The following ITGB1 variants were observed in gnomAD, a reference collection of about 807,000 sequenced individuals.
ITGB1 encodes integrin subunit beta 1.
A neutral mutation model predicts 86.5 loss-of-function variants in ITGB1; 24 were observed. The ratio of observed to expected loss-of-function variants is 0.28; its 90% CI spans 0.20 to 0.39. The LOEUF (loss-of-function observed/expected upper bound fraction) is 0.39. ITGB1 is among the 10% of genes least tolerant of loss of function. The pLI, the probability that ITGB1 is intolerant of heterozygous loss-of-function variation, is 1.00. For synonymous variants in ITGB1, 323 were observed against 316.8 expected (o/e 1.02, Z -0.21); for missense variants, 556 against 946.9 (o/e 0.59, Z 5.42).
intron 15 of ITGB1, among the ~76,000 whole-genome samples, chr10:32,902,165 C>G (rs1293558156): frequency 1.3e-5 from 2 of 152,092 alleles, no homozygotes; most frequent in East Asian, 3.9e-4. Flanking sequence ...AGCACTGCGC[C>G]CCACCAAGTC....
At chr10:32,915,898 C>T (rs754266467) in intron 11 of ITGB1, among the ~76,000 whole-genome samples, 3 of 152,104 alleles carry the variant, frequency 2.0e-5, no homozygotes, top group Non-Finnish European at 4.4e-5. Context: ...TGATGAACAT[C>T]GATGCAAAAA....
intron 1 of ITGB1, among the ~76,000 whole-genome samples, chr10:32,942,508 T>C (rs1160846082): frequency 1.3e-5 from 2 of 152,164 alleles, no homozygotes. Flanking sequence ...AAATAGGGCC[T>C]GGGTGTATCT....
At chr10:32,923,505 C>T (rs962790663) in intron 7 of ITGB1, 80 bp downstream of exon 7, 2 of 1,279,916 alleles carry the variant, frequency 1.6e-6, no homozygotes, top group East Asian at 2.5e-5. Context: ...AAACCCCAAG[C>T]CAGTCACCCA....
intron 1 of ITGB1, among the ~76,000 whole-genome samples, chr10:32,948,840 A>C (rs2095037217): frequency 6.6e-6 from 1 of 152,162 alleles, no homozygotes; most frequent in Admixed American, 6.5e-5. Context: ...CACAAAGACT[A>C]AGACAAGGTT....
chr10:32,922,794 T>A (rs1299261259), intron 7 of ITGB1, 59 bp from the exon 8 acceptor site: 14 of 964,454 alleles, frequency 1.5e-5, no homozygotes, highest in Non-Finnish European at 2.2e-5. Flanking sequence ...CTCTTCTAAT[T>A]TTTCAATCTA....
In ITGB1 at chr10:32,901,597, C is replaced by T; in HGVS notation, c.2370G>A (p.Val790=). Residue 790 remains valine, a synonymous_variant, in exon 16 of 16, where the codon GTG becomes GTA. Transcript: ENST00000302278. ...NPIYKSAVTT[V]VNPKYEGK ...ATTTTCCCTCATACTTCGGATTGAC[C>T]ACAGTTGTTACGGCACTCTTATAAA... The T allele has an allele frequency of 1.2e-6, 2 of 1,603,926 alleles. No homozygotes were observed. The highest frequency in any genetic ancestry group is 1.1e-5 in the South Asian group (1 of 89,498).
chr10:32,912,712 C>A (rs1298563478), intron 11 of ITGB1, among the ~76,000 whole-genome samples: 1 of 152,220 alleles, frequency 6.6e-6, no homozygotes, highest in African/African-American at 2.4e-5. Flanking sequence ...GCCTGCCTGC[C>A]TCTGTAGACA....
At chr10:32,913,869 T>A (rs896339263) in intron 11 of ITGB1, among the ~76,000 whole-genome samples, 2 of 152,156 alleles carry the variant, frequency 1.3e-5, no homozygotes, top group African/African-American at 2.4e-5. Context: ...GATTGTCAGA[T>A]TCACCAAAGT....
rs372577270 is a variant in ITGB1, at chr10:32,922,398, A to G, written c.1039-52T>C. 6.4e-6 allele frequency: 8 copies of G among 1,252,504 alleles called. No individual in the cohort carries two copies. In the African/African-American group the frequency reaches 7.5e-5, roughly 12 times the overall value. 77.6% of individuals were successfully genotyped at this position (1,252,504 alleles called of 1,614,324 possible). On this transcript the variant is annotated intron_variant, in intron 8 of 15. Coordinates refer to ENST00000302278, the MANE Select transcript of ITGB1 (RefSeq NM_002211.4). ...AATACAACTGCTATTCATTCAACCAATTAGGATCCACTGAGCAACTTTTAT... is the reference window on the plus strand; with the variant it reads ...AATACAACTGCTATTCATTCAACCAGTTAGGATCCACTGAGCAACTTTTAT...
At chr10:32,946,327 TA>T (rs1398889265) in intron 1 of ITGB1, among the ~76,000 whole-genome samples, 1 of 152,156 alleles carries the variant, frequency 6.6e-6, no homozygotes, top group African/African-American at 2.4e-5. Flanking sequence ...GGTGTGCCAA[TA>T]AAAAGAATTC....
chr10:32,935,373 C>T, intron 2 of ITGB1, 119 bp downstream of exon 2: 1 of 640,092 alleles, frequency 1.6e-6, no homozygotes, highest in Non-Finnish European at 2.8e-6. Context: ...GGAACAATTG[C>T]AGGGCTTCCA....
At chr10:32,922,519 C>T (rs2094953308) in intron 8 of ITGB1, 121 bp downstream of exon 8, 4 of 760,792 alleles carry the variant, frequency 5.3e-6, no homozygotes, top group South Asian at 1.8e-5. Context: ...TAATATAAAC[C>T]ACTTTTGTAA....
At chr10:32,930,693 T>C (rs992204324) in intron 3 of ITGB1, among the ~76,000 whole-genome samples, 3 of 152,018 alleles carry the variant, frequency 2.0e-5, no homozygotes, top group South Asian at 2.1e-4. Context: ...GGAGTAAGTA[T>C]ATGACAAGGG....
intron 6 of ITGB1, 41 bp downstream of exon 6, chr10:32,925,830 A>T (rs777304585): frequency 8.4e-7 from 1 of 1,190,612 alleles, no homozygotes; most frequent in East Asian, 2.3e-5. Context: ...TCACACACAT[A>T]ATAGAAACAA....
chr10:32,942,830 A>AT (rs1223289342), intron 1 of ITGB1, among the ~76,000 whole-genome samples: 3 of 151,966 alleles, frequency 2.0e-5, no homozygotes, highest in Non-Finnish European at 4.4e-5. Context: ...GACTACAGGT[A>AT]TGAGCCATCA....
chr10:32,939,020 AG>A (rs2095011443), intron 1 of ITGB1, among the ~76,000 whole-genome samples: 2 of 152,188 alleles, frequency 1.3e-5, no homozygotes, highest in African/African-American at 4.8e-5. Context: ...TGGAAGGGGA[AG>A]GAACAGGTGC....
Position 32,928,335 on chromosome 10 carries a change from A to T in ITGB1, c.377-71T>A, listed in dbSNP as rs1268636762. 10 of 708,362 alleles carry T rather than the reference A, an allele frequency of 1.4e-5. No individual in the cohort carries two copies. In the African/African-American group the frequency reaches 1.4e-4, roughly 10 times the overall value. 43.9% of individuals were successfully genotyped at this position (708,362 alleles called of 1,614,324 possible). A position where few individuals can be genotyped will look rare whatever the true frequency, so the allele number is the denominator to read the frequency against. On this transcript the variant is annotated intron_variant, in intron 4 of 15. Coordinates refer to ENST00000302278, the MANE Select transcript of ITGB1 (RefSeq NM_002211.4). ...CAAACGCAAACGAGAAAAACCAAAT[A>T]AATGTGGTTTACACGGTAAACACAA...
At chr10:32,934,030 CTGA>C (rs1397985265) in intron 2 of ITGB1, among the ~76,000 whole-genome samples, 2 of 152,116 alleles carry the variant, frequency 1.3e-5, no homozygotes, top group African/African-American at 2.4e-5. Context: ...CATACACATG[CTGA>C]TGATCTTATA....
intron 15 of ITGB1, among the ~76,000 whole-genome samples, chr10:32,905,280 C>T (rs1264994202): frequency 6.6e-6 from 1 of 152,166 alleles, no homozygotes; most frequent in African/African-American, 2.4e-5. Context: ...CTAATGTTAT[C>T]AGCACTTCCT....
Sources: gnomAD v4.1 joint callset for allele counts (sites outside exome capture counted in the v4.1 genomes callset) on GRCh38, gnomAD v4.1.1 for gene constraint, MANE v1.5 for transcripts, NCBI Gene and HGNC (gene_info 2026-07-23, HGNC 2026-07-21) for gene names.